Variants in SEZ6L observed in about 807,000 individuals in gnomAD.
SEZ6L encodes seizure 6-like protein.
Under a neutral mutation model 106.2 loss-of-function variants are expected in SEZ6L, and 37 were observed. The observed-to-expected ratio is 0.35, with a 90% CI of 0.27 to 0.46. The LOEUF is 0.46. SEZ6L is among the 20% of genes least tolerant of loss of function. The pLI is 1.00. For missense variants in SEZ6L, 1,172 were observed against 1,332.8 expected (o/e 0.88, Z 1.88); for synonymous variants, 541 against 570.4 (o/e 0.95, Z 0.73).
chr22:26,294,236 G>T (rs2081226603), intron 2 of SEZ6L, 56 bp from the exon 3 acceptor site: 1 of 1,594,452 alleles, frequency 6.3e-7, no homozygotes, highest in South Asian at 1.1e-5. Flanking sequence ...CACAGCCCAT[G>T]GTTGAGCTTA....
intron 1 of SEZ6L, among the ~76,000 whole-genome samples, chr22:26,202,461 G>A (rs1286708610): frequency 1.3e-5 from 2 of 152,146 alleles, no homozygotes; most frequent in African/African-American, 2.4e-5. Flanking sequence ...AAGGAGGCAC[G>A]GGTTGTCTAT....
intron 6 of SEZ6L, among the ~76,000 whole-genome samples, chr22:26,309,239 G>T (rs557045523): frequency 6.4e-4 from 97 of 152,272 alleles, no homozygotes; most frequent in Non-Finnish European, 7.9e-4. Flanking sequence ...ACCAAGGCTA[G>T]CAAGAAGTCA....
At chr22:26,248,514 C>A (rs922400314) in intron 1 of SEZ6L, among the ~76,000 whole-genome samples, 3 of 152,122 alleles carry the variant, frequency 2.0e-5, no homozygotes, top group Non-Finnish European at 4.4e-5. Flanking sequence ...GCTAGTTTTT[C>A]TATTTTGATT....
At position 26,294,334 on chromosome 22, in the gene SEZ6L, A is replaced by G. The variant is rs2081228958; in HGVS notation, c.878A>G (p.Asp293Gly). 1 of 1,613,900 alleles carries G rather than the reference A, an allele frequency of 6.2e-7. No homozygotes were observed. Among genetic ancestry groups the G allele is most frequent in the Non-Finnish European group, 8.5e-7 (1 of 1,179,968 alleles). Residue 293 changes from aspartate (D) to glycine (G), a missense_variant, in exon 3 of 17, where the codon GAC becomes GGC. Transcript: ENST00000248933. ...VSFSNPEGYI[D>G]SSDYPLLPLN... The stretch of plus-strand genomic sequence containing the variant: ...TTCTCCAATCCTGAGGGGTACATTG[A>G]CTCCAGCGACTACCCACTGCTGCCC...
chr22:26,332,501 C>A (rs757366680), intron 9 of SEZ6L, among the ~76,000 whole-genome samples: 1 of 150,360 alleles, frequency 6.7e-6, no homozygotes, highest in Non-Finnish European at 1.5e-5. Context: ...TGCTGGAGTA[C>A]AGTGGTGCAA....
chr22:26,212,747 C>T (rs1048006419), intron 1 of SEZ6L, among the ~76,000 whole-genome samples: 9 of 152,106 alleles, frequency 5.9e-5, no homozygotes. Flanking sequence ...GAAAGTAGAC[C>T]CTGCCCCTTG....
rs755130730 is a variant in SEZ6L at position 26,351,221 on chromosome 22, G to A, written c.2577G>A (p.Thr859=). The change falls in exon 12 of 17, where the codon ACG becomes ACA. Residue 859 remains threonine, a synonymous_variant. Transcript: ENST00000248933. ...GTGAAACAGGGACTCCCATCTGGACGTCTCGCCTGCCCCACTGCGTTTGTG... is the reference window on the plus strand; with the variant it reads ...GTGAAACAGGGACTCCCATCTGGACATCTCGCCTGCCCCACTGCGTTTGTG... ...YSRETGTPIW[T]SRLPHCVSEE... is the part of the protein sequence containing the mutation. 4.3e-6 allele frequency: 7 copies of A among 1,613,744 alleles called. No individual in the cohort carries two copies. Among genetic ancestry groups the A allele is most frequent in the East Asian group, 4.5e-5 (2 of 44,872 alleles).
chr22:26,316,258 A>G (rs887264360), intron 9 of SEZ6L, among the ~76,000 whole-genome samples: 1 of 152,220 alleles, frequency 6.6e-6, no homozygotes, highest in Non-Finnish European at 1.5e-5. Flanking sequence ...TCATATTGGA[A>G]AGAATGGAAT....
At chr22:26,254,061 A>C (rs1240096617) in intron 1 of SEZ6L, 2 of 152,326 alleles carry the variant, frequency 1.3e-5, no homozygotes, top group South Asian at 2.1e-4. Context: ...CCCTTGAGGG[A>C]CCACATTACA....
intron 12 of SEZ6L, among the ~76,000 whole-genome samples, chr22:26,358,296 C>T (rs1429210547): frequency 6.6e-6 from 1 of 152,146 alleles, no homozygotes; most frequent in Non-Finnish European, 1.5e-5. Context: ...AGGTTTGTAC[C>T]CCAGCCCTGC....
Position 26,301,733 on chromosome 22 carries a change from G to C in SEZ6L, c.1348+2564G>C, listed in dbSNP as rs116065297. ...GGAAATAGACTGAGGGTGGAAAATG[G>C]GGGGGAGAAGGGGGAAACATTCCAG... On this transcript the variant is annotated intron_variant, in intron 5 of 16. Coordinates refer to ENST00000248933, the MANE Select transcript of SEZ6L (RefSeq NM_021115.5). 1.9e-3 allele frequency among the ~76,000 whole-genome samples: 291 copies of C among 152,226 alleles called. 6 individuals are homozygous for C. In the East Asian group the frequency reaches 0.043, roughly 23 times the overall value.
rs539102386 is a variant in SEZ6L, at chr22:26,326,498, A to C, written c.2015+12596A>C. Among the ~76,000 whole-genome samples, 8 of 152,276 alleles carry C rather than the reference A, an allele frequency of 5.3e-5. No homozygotes were observed. In the South Asian group the frequency reaches 1.7e-3, roughly 32 times the overall value. ...TACCTTTGTGCCAAGCTCTGTTCTG[A>C]GCACGTTACCTCTTAGTTAATTCTC... On this transcript the variant is annotated intron_variant, in intron 9 of 16. Coordinates refer to ENST00000248933, the MANE Select transcript of SEZ6L (RefSeq NM_021115.5).
intron 5 of SEZ6L, among the ~76,000 whole-genome samples, chr22:26,300,888 G>A (rs886487897): frequency 5.9e-5 from 9 of 152,354 alleles, no homozygotes; most frequent in Non-Finnish European, 8.8e-5. Flanking sequence ...TAAGTGGTTT[G>A]CAAATATTTT....
chr22:26,234,914 A>AT (rs751938616), intron 1 of SEZ6L, among the ~76,000 whole-genome samples: 1 of 152,178 alleles, frequency 6.6e-6, no homozygotes, highest in Non-Finnish European at 1.5e-5. Context: ...GTCTTGACAG[A>AT]TTAGTAGGAG....
chr22:26,244,176 A>G (rs2079243306), intron 1 of SEZ6L, among the ~76,000 whole-genome samples: 1 of 151,994 alleles, frequency 6.6e-6, no homozygotes. Context: ...AGAAAGAAAG[A>G]AAGAAAGAAA....
intron 1 of SEZ6L, among the ~76,000 whole-genome samples, chr22:26,215,591 T>A (rs1455086099): frequency 2.0e-5 from 3 of 151,972 alleles, no homozygotes; most frequent in Non-Finnish European, 4.4e-5. Flanking sequence ...TATCAATCCC[T>A]AAGAACACTG....
At chr22:26,285,001 C>G (rs1195641735) in intron 1 of SEZ6L, among the ~76,000 whole-genome samples, 2 of 151,958 alleles carry the variant, frequency 1.3e-5, no homozygotes, top group East Asian at 3.9e-4. Context: ...GGAATGAACT[C>G]TATGGAGTAT....
At chr22:26,315,480 A>G (rs2081970502) in intron 9 of SEZ6L, among the ~76,000 whole-genome samples, 1 of 150,740 alleles carries the variant, frequency 6.6e-6, no homozygotes, top group African/African-American at 2.4e-5. Context: ...CCTTGTCTCA[A>G]AAAAAAAAGA....
chr22:26,174,977 A>G (rs1938878741), intron 1 of SEZ6L, among the ~76,000 whole-genome samples: 1 of 152,232 alleles, frequency 6.6e-6, no homozygotes, highest in Non-Finnish European at 1.5e-5. Flanking sequence ...AAACTGAGGT[A>G]CTGAGAGGTT....
Sources: gnomAD v4.1 joint callset for allele counts (sites outside exome capture counted in the v4.1 genomes callset) on GRCh38, gnomAD v4.1.1 for gene constraint, MANE v1.5 for transcripts, NCBI Gene and HGNC (gene_info 2026-07-23, HGNC 2026-07-21) for gene names.